Variants in ADGRV1 observed in about 807,000 individuals in gnomAD.
ADGRV1 encodes the protein adhesion G protein-coupled receptor V1.
Under a neutral mutation model 596.2 loss-of-function variants are expected in ADGRV1, and 359 were observed. The observed-to-expected ratio is 0.60, with a 90% CI of 0.55 to 0.66. ADGRV1 has a LOEUF of 0.66. ADGRV1 is among the 30% of genes least tolerant of loss of function. The pLI, the probability that ADGRV1 is intolerant of heterozygous loss-of-function variation, is 0.00. For synonymous variants in ADGRV1, 2,681 were observed against 2,679.2 expected, an observed-to-expected ratio of 1.00 and a Z score of -0.02; for missense variants, 7,274 against 7,575.6, an observed-to-expected ratio of 0.96 and a Z score of 1.48.
At chr5:90,636,234 T>C (rs1766193998) in intron 10 of ADGRV1, among the ~76,000 whole-genome samples, 2 of 151,270 alleles carry the variant, frequency 1.3e-5, no homozygotes, top group African/African-American at 4.9e-5. Context: ...ATTTCCTGAG[T>C]CATAGTTGAT....
At chr5:91,102,079 C>G in intron 86 of ADGRV1, 140 bp from the exon 87 acceptor site, 2 of 745,636 alleles carry the variant, frequency 2.7e-6, no homozygotes, top group South Asian at 2.0e-5. Flanking sequence ...CTTCTCCCCT[C>G]TGGCATAAGA....
At chr5:90,838,214 C>T (rs188574069) in intron 77 of ADGRV1, among the ~76,000 whole-genome samples, 4 of 152,144 alleles carry the variant, frequency 2.6e-5, no homozygotes, top group South Asian at 2.1e-4. Context: ...TTTATCGTTA[C>T]ACTGCAGATG....
rs147151950 is a variant in ADGRV1, at chr5:90,766,842, G to A, written c.12285+3373G>A. On this transcript the variant is annotated intron_variant, in intron 59 of 89. Transcript: ENST00000405460. Reference sequence around the variant, plus strand: ...TATCAACCAACCCACTGTAGGATGCGATTTTTCTGGTTGCCTGTGTGCACT... The same window carrying A: ...TATCAACCAACCCACTGTAGGATGCAATTTTTCTGGTTGCCTGTGTGCACT... Among the ~76,000 whole-genome samples the A allele has an allele frequency of 1.6e-3, 240 of 152,214 alleles. 3 individuals are homozygous for A. The highest frequency in any genetic ancestry group is 1.6e-3 in the Non-Finnish European group (110 of 68,000).
At chr5:90,719,540 GT>G (rs957455062) in intron 43 of ADGRV1, among the ~76,000 whole-genome samples, 1 of 151,870 alleles carries the variant, frequency 6.6e-6, no homozygotes, top group African/African-American at 2.4e-5. Flanking sequence ...TCAATATAAT[GT>G]TTAGGTCTGT....
At chr5:91,132,686 G>T (rs1182892748) in intron 87 of ADGRV1, among the ~76,000 whole-genome samples, 3 of 152,224 alleles carry the variant, frequency 2.0e-5, no homozygotes, top group Non-Finnish European at 4.4e-5. Flanking sequence ...GGCTGATGAG[G>T]TGGCACCAGG....
intron 64 of ADGRV1, chr5:90,781,030 T>C (rs1758779484): frequency 4.9e-6 from 1 of 204,304 alleles, no homozygotes; most frequent in Admixed American, 5.4e-5. Flanking sequence ...CCTAACACTG[T>C]AAATCTCAAG....
At chr5:90,878,526 G>A (rs1769435584) in intron 83 of ADGRV1, among the ~76,000 whole-genome samples, 1 of 152,178 alleles carries the variant, frequency 6.6e-6, no homozygotes, top group East Asian at 1.9e-4. Flanking sequence ...CAGTCACCCA[G>A]CATCTAGTCC....
At chr5:91,031,181 G>A in intron 85 of ADGRV1, 6 of 1,472,180 alleles carry the variant, frequency 4.1e-6, no homozygotes, top group Non-Finnish European at 5.7e-6. Context: ...AACCAAAAAG[G>A]CAAGAAGAGT....
At chr5:90,607,737 C>T (rs1762279782) in intron 1 of ADGRV1, among the ~76,000 whole-genome samples, 1 of 152,162 alleles carries the variant, frequency 6.6e-6, no homozygotes. Flanking sequence ...TCCTTCTGCA[C>T]ATGCTCAGAA....
chr5:90,765,470 C>CACACACACACACACACAG (rs546930616), intron 59 of ADGRV1, among the ~76,000 whole-genome samples: 8 of 149,338 alleles, frequency 5.4e-5, no homozygotes, highest in African/African-American at 2.0e-4. Context: ...CACACACACA[C>CACACACACACACACACAG]AAACTCTAGA....
chr5:90,735,240 C>T (rs1375638625), intron 50 of ADGRV1, among the ~76,000 whole-genome samples: 4 of 152,082 alleles, frequency 2.6e-5, no homozygotes, highest in Non-Finnish European at 5.9e-5. Context: ...TGTGGATATC[C>T]AATTTTCTCA....
At chr5:90,868,416 G>T (rs1051571086) in intron 83 of ADGRV1, among the ~76,000 whole-genome samples, 1 of 152,004 alleles carries the variant, frequency 6.6e-6, no homozygotes, top group African/African-American at 2.4e-5. Flanking sequence ...TCTAAGAAAG[G>T]GAAAGGTCCT....
intron 87 of ADGRV1, among the ~76,000 whole-genome samples, chr5:91,129,951 A>T (rs991956582): frequency 2.0e-5 from 3 of 152,242 alleles, no homozygotes; most frequent in Admixed American, 2.0e-4. Context: ...AAAGAAAAAA[A>T]TTTTTAAGAA....
intron 85 of ADGRV1, among the ~76,000 whole-genome samples, chr5:91,016,188 T>G (rs369104342): frequency 1.4e-4 from 22 of 152,116 alleles, no homozygotes; most frequent in African/African-American, 4.3e-4. Flanking sequence ...TAATCAGCCT[T>G]TAATTGGCTA....
intron 87 of ADGRV1, among the ~76,000 whole-genome samples, chr5:91,120,731 G>T (rs141658712): frequency 6.6e-6 from 1 of 152,132 alleles, no homozygotes; most frequent in Non-Finnish European, 1.5e-5. Context: ...AAAACACTGG[G>T]CTCCACCTGG....
intron 57 of ADGRV1, among the ~76,000 whole-genome samples, chr5:90,758,211 T>C (rs1402727223): frequency 1.3e-5 from 2 of 152,060 alleles, no homozygotes; most frequent in African/African-American, 2.4e-5. Flanking sequence ...CGGGCACCTG[T>C]AGTCCCAGCT....
intron 86 of ADGRV1, among the ~76,000 whole-genome samples, chr5:91,100,775 T>A (rs1401452692): frequency 1.3e-5 from 2 of 152,178 alleles, no homozygotes; most frequent in Non-Finnish European, 2.9e-5. Flanking sequence ...CGGGAAAAAT[T>A]GAGTTCTTGC....
intron 1 of ADGRV1, among the ~76,000 whole-genome samples, chr5:90,563,497 C>T (rs569940763): frequency 6.6e-5 from 10 of 152,324 alleles, no homozygotes; most frequent in African/African-American, 2.4e-4. Context: ...TATAAATAGT[C>T]ATTATTGAAA....
At chr5:90,992,502 G>A (rs1410272674) in intron 85 of ADGRV1, among the ~76,000 whole-genome samples, 1 of 152,198 alleles carries the variant, frequency 6.6e-6, no homozygotes, top group Admixed American at 6.5e-5. Context: ...GGTGTAAAAA[G>A]AACTTTATCA....
Sources: allele counts gnomAD v4.1 joint callset (sites outside exome capture counted in the v4.1 genomes callset), GRCh38; gene constraint gnomAD v4.1.1; transcripts MANE v1.5; gene names NCBI Gene and HGNC (gene_info 2026-07-23, HGNC 2026-07-21).